Variants in UTS2B observed in about 807,000 individuals in gnomAD.
The protein encoded by UTS2B is urotensin 2B, also known as urotensin-2B.
Under a neutral mutation model 19.2 loss-of-function variants are expected in UTS2B, and 21 were observed. The observed-to-expected ratio is 1.09, with a 90% CI of 0.78 to 1.58. The LOEUF (loss-of-function observed/expected upper bound fraction) is 1.58. Among genes scored for constraint, UTS2B ranks in the 40% most tolerant of loss-of-function variants. UTS2B has a pLI of 0.00. For synonymous variants in UTS2B, 57 were observed against 50.2 expected (o/e 1.14, Z -0.58); for missense variants, 138 against 130.3 (o/e 1.06, Z -0.29).
intron 4 of UTS2B, among the ~76,000 whole-genome samples, chr3:191,291,712 A>C (rs540896185): frequency 6.2e-4 from 94 of 152,302 alleles, no homozygotes; most frequent in African/African-American, 2.1e-3. Flanking sequence ...TCAGCCTCTC[A>C]AAGTGCTGGG....
chr3:191,290,859 A>G (rs921834886), intron 4 of UTS2B, among the ~76,000 whole-genome samples: 1 of 152,194 alleles, frequency 6.6e-6, no homozygotes, highest in African/African-American at 2.4e-5. Flanking sequence ...GGTGACTCAA[A>G]CTGATTTGAA....
upstream of UTS2B, among the ~76,000 whole-genome samples, chr3:191,332,145 G>A (rs963560978): frequency 3.9e-5 from 6 of 152,140 alleles, no homozygotes; most frequent in Non-Finnish European, 7.3e-5. Context: ...ACCTTTTGTC[G>A]TGAACATTTC....
chr3:191,319,528 A>G (rs1292694647), intron 2 of UTS2B, among the ~76,000 whole-genome samples: 1 of 152,142 alleles, frequency 6.6e-6, no homozygotes. Context: ...CCTTCTGTCT[A>G]TTAAGGTATA....
At chr3:191,309,701 CGT>C (rs1296133121) in intron 3 of UTS2B, among the ~76,000 whole-genome samples, 2 of 152,002 alleles carry the variant, frequency 1.3e-5, no homozygotes, top group African/African-American at 2.4e-5. Flanking sequence ...GGTAATAGCG[CGT>C]GAGTCAGTTA....
intron 3 of UTS2B, among the ~76,000 whole-genome samples, chr3:191,306,637 T>C (rs545635990): frequency 6.6e-6 from 1 of 152,224 alleles, no homozygotes; most frequent in African/African-American, 2.4e-5. Context: ...GGAAATTTTG[T>C]TTTGTTTTGT....
At chr3:191,293,115 G>A (rs1716762696) in intron 4 of UTS2B, among the ~76,000 whole-genome samples, 1 of 152,068 alleles carries the variant, frequency 6.6e-6, no homozygotes, top group Non-Finnish European at 1.5e-5. Flanking sequence ...CTTATTTGGT[G>A]ATGTTGTGTG....
At chr3:191,280,974 G>C (rs1716369706) in intron 5 of UTS2B, among the ~76,000 whole-genome samples, 1 of 152,144 alleles carries the variant, frequency 6.6e-6, no homozygotes. Flanking sequence ...TTAGGTCTCT[G>C]AGACTACTTG....
chr3:191,342,836 A>T, the UTS2B span, among the ~76,000 whole-genome samples: 1 of 152,226 alleles, frequency 6.6e-6, no homozygotes, highest in Non-Finnish European at 1.5e-5. Context: ...AAAATTGTCT[A>T]CTACTGCTTA....
intron 4 of UTS2B, among the ~76,000 whole-genome samples, chr3:191,291,801 C>CT (rs1716727087): frequency 1.3e-5 from 2 of 151,218 alleles, no homozygotes; most frequent in Non-Finnish European, 2.9e-5. Context: ...TGGGTTTCAC[C>CT]TTTATTTATT....
chr3:191,332,038 G>A (rs532773861), upstream of UTS2B, among the ~76,000 whole-genome samples: 6 of 152,112 alleles, frequency 3.9e-5, no homozygotes, highest in South Asian at 1.0e-3. Context: ...ATTCAATTTG[G>A]TATCATGGGG....
chr3:191,329,719 G>A lies in UTS2B; in HGVS notation c.-665+695C>T, dbSNP rs981589224. On this transcript the variant is annotated intron_variant, in intron 1 of 8. Coordinates refer to ENST00000340524, the MANE Select transcript of UTS2B (RefSeq NM_198152.5). Reference sequence around the variant, plus strand: ...ACCAGTCCAAGCTGCCTGGAGTCAAGGAAGGTAAGGGCCCCGGAGGGAGAG... The same window carrying A: ...ACCAGTCCAAGCTGCCTGGAGTCAAAGAAGGTAAGGGCCCCGGAGGGAGAG... 6.8e-6 allele frequency: 11 copies of A among 1,609,784 alleles called. No homozygotes were observed. In the Admixed American group the frequency reaches 1.8e-4, roughly 27 times the overall value.
intron 4 of UTS2B, among the ~76,000 whole-genome samples, chr3:191,303,016 GA>G (rs921582011): frequency 2.0e-4 from 31 of 152,298 alleles, no homozygotes; most frequent in African/African-American, 7.2e-4. Context: ...CAGGAAAGGA[GA>G]AAAAAGATTG....
intron 7 of UTS2B, among the ~76,000 whole-genome samples, chr3:191,276,461 A>G (rs1056142685): frequency 6.6e-6 from 1 of 152,206 alleles, no homozygotes; most frequent in African/African-American, 2.4e-5. Flanking sequence ...CTGTTTAAAA[A>G]CAATAACATC....
intron 6 of UTS2B, 107 bp from the exon 7 acceptor site, chr3:191,276,951 TATG>T (rs1479715749): frequency 2.6e-5 from 25 of 978,056 alleles, no homozygotes; most frequent in Non-Finnish European, 3.6e-5. Context: ...GTCTTTTTCA[TATG>T]ATTTGACATC....
At chr3:191,309,587 A>G (rs1384422195) in intron 3 of UTS2B, among the ~76,000 whole-genome samples, 1 of 152,164 alleles carries the variant, frequency 6.6e-6, no homozygotes, top group East Asian at 1.9e-4. Flanking sequence ...TCTCATGTCT[A>G]ATTGTAATCC....
intron 5 of UTS2B, among the ~76,000 whole-genome samples, chr3:191,279,136 G>A (rs1003615736): frequency 1.3e-5 from 2 of 151,950 alleles, no homozygotes; most frequent in African/African-American, 4.8e-5. Context: ...CACTTAAATG[G>A]CTAATTAAAA....
In UTS2B at chr3:191,316,211, AGT is replaced by A. The variant is rs1235446020; in HGVS notation, c.-359_-358del. ...TATAGCCAGTTTCCAACAGCATATT[AGT>A]GTGCCGGAATTGGTGGGTTCTTGGT... On this transcript the variant is annotated 5_prime_UTR_variant, in exon 3 of 9. Coordinates refer to ENST00000340524, the MANE Select transcript of UTS2B (RefSeq NM_198152.5). 7.0e-6 allele frequency: 1 copy of A among 143,236 alleles called. No homozygotes were observed. The highest frequency in any genetic ancestry group is 1.6e-5 in the Non-Finnish European group (1 of 63,764). The allele number at this position is 143,236 out of a possible 1,614,324, so 8.9% of individuals were successfully genotyped here.
intron 4 of UTS2B, among the ~76,000 whole-genome samples, chr3:191,292,363 T>A (rs181807851): frequency 6.6e-6 from 1 of 152,338 alleles, no homozygotes; most frequent in Admixed American, 6.5e-5. Flanking sequence ...TTTGATGCTA[T>A]TTCAAGTGGA....
At chr3:191,275,116 ATTTTT>A (rs1169176338) in intron 8 of UTS2B, 131 bp downstream of exon 8, 2 of 588,974 alleles carry the variant, frequency 3.4e-6, no homozygotes, top group Non-Finnish European at 5.8e-6. Context: ...ATTGGAATAT[ATTTTT>A]TTAATATGAG....
Sources: gnomAD v4.1 joint callset for allele counts (sites outside exome capture counted in the v4.1 genomes callset) on GRCh38, gnomAD v4.1.1 for gene constraint, MANE v1.5 for transcripts, NCBI Gene and HGNC (gene_info 2026-07-23, HGNC 2026-07-21) for gene names.